Variants in RAD23B observed in about 807,000 individuals in gnomAD.
The protein encoded by RAD23B is lysine-specific demethylase RAD23B.
Under a neutral mutation model 49.1 loss-of-function variants are expected in RAD23B, and 5 were observed. That is an observed-to-expected ratio of 0.10 (90% CI 0.05 to 0.21). The LOEUF is 0.21. Among genes scored for constraint, RAD23B ranks in the 10% least tolerant of loss-of-function variants. The pLI, the probability that RAD23B is intolerant of heterozygous loss-of-function variation, is 1.00. For synonymous variants in RAD23B, 184 were observed against 165.4 expected (o/e 1.11, Z -0.86); for missense variants, 356 against 486.7 (o/e 0.73, Z 2.53).
At chr9:107,313,818 T>A (rs1185028919) in intron 5 of RAD23B, among the ~76,000 whole-genome samples, 1 of 152,208 alleles carries the variant, frequency 6.6e-6, no homozygotes. Flanking sequence ...CATCATTCAT[T>A]CATCCACCCT....
intron 1 of RAD23B, among the ~76,000 whole-genome samples, chr9:107,295,780 G>T (rs558693497): frequency 6.6e-6 from 1 of 152,314 alleles, no homozygotes; most frequent in East Asian, 1.9e-4. Context: ...GCTAAGCAAG[G>T]TTAGGACAAT....
chr9:107,298,623 G>A (rs1396710703), intron 1 of RAD23B, among the ~76,000 whole-genome samples: 2 of 150,904 alleles, frequency 1.3e-5, no homozygotes, highest in South Asian at 2.1e-4. Flanking sequence ...CAGCCACTGC[G>A]CCTGACCCAA....
Position 107,296,069 on chromosome 9 carries a change from A to G in RAD23B, c.67-4072A>G, listed in dbSNP as rs59117642. Among the ~76,000 whole-genome samples, 532 of 152,252 alleles carry G rather than the reference A, an allele frequency of 3.5e-3. 4 individuals are homozygous for G. The highest frequency in any genetic ancestry group is 0.012 in the African/African-American group (509 of 41,538). ...TGGTCACTTATAATTTTAAACATGG[A>G]GTGGTTTTTAGATGACAAAATTCAG... On this transcript the variant is annotated intron_variant, in intron 1 of 9. Coordinates refer to ENST00000358015, the MANE Select transcript of RAD23B (RefSeq NM_002874.5).
At chr9:107,284,589 C>A in intron 1 of RAD23B, 1 of 290,160 alleles carries the variant, frequency 3.4e-6, no homozygotes, top group Non-Finnish European at 5.4e-6. Flanking sequence ...TTTGTGACTG[C>A]ATAAAGAGAC....
At position 107,324,916 on chromosome 9, in the gene RAD23B, G is replaced by C; in HGVS notation, c.1028G>C (p.Gly343Ala). The C allele has an allele frequency of 6.2e-7, 1 of 1,613,840 alleles. No homozygotes were observed. The highest frequency in any genetic ancestry group is 8.5e-7 in the Non-Finnish European group (1 of 1,179,954). The change falls in exon 9 of 10, where the codon GGA (glycine) becomes GCA (alanine). Residue 343 changes from glycine (G) to alanine (A), a missense_variant. Transcript: ENST00000358015. Reference protein sequence around the residue: ...QEAGGQGGGGGGGSGGIAEAG... With the variant: ...QEAGGQGGGGAGGSGGIAEAG... Reference sequence around the variant, plus strand: ...GCTGGTGGTCAAGGAGGAGGAGGTGGAGGTGGCAGTGGAGGAATTGCAGAA... The same window carrying C: ...GCTGGTGGTCAAGGAGGAGGAGGTGCAGGTGGCAGTGGAGGAATTGCAGAA...
chr9:107,299,859 A>G (rs1826611270), intron 1 of RAD23B, among the ~76,000 whole-genome samples: 1 of 152,218 alleles, frequency 6.6e-6, no homozygotes, highest in Admixed American at 6.5e-5. Flanking sequence ...TATATAAACC[A>G]AAACTTTGAT....
At chr9:107,306,310 A>G (rs1826771929) in intron 3 of RAD23B, 69 bp from the exon 4 acceptor site, 1 of 1,472,076 alleles carries the variant, frequency 6.8e-7, no homozygotes, top group Middle Eastern at 2.0e-4. Context: ...CTGTAACGGT[A>G]CAGTCTAATT....
At position 107,322,128 on chromosome 9, in the gene RAD23B, AATC is replaced by A; in HGVS notation, c.817+11_817+13del. On this transcript the variant is annotated intron_variant, in intron 7 of 9. Coordinates refer to ENST00000358015, the MANE Select transcript of RAD23B (RefSeq NM_002874.5). ...ACAACAAGTTCTGGAGGTAAAGCGG[AATC>A]TTCTGGATGGGGAGGGAATGGCCCT... The A allele has an allele frequency of 6.3e-7, 1 of 1,589,934 alleles. No individual in the cohort carries two copies. The highest frequency in any genetic ancestry group is 1.1e-5 in the South Asian group (1 of 87,610).
intron 1 of RAD23B, among the ~76,000 whole-genome samples, chr9:107,295,881 G>A (rs1293703453): frequency 6.6e-6 from 1 of 152,128 alleles, no homozygotes; most frequent in African/African-American, 2.4e-5. Flanking sequence ...TGTGTGTTAG[G>A]AGCAGCAGAA....
In RAD23B at chr9:107,331,929, G is replaced by A. The variant is rs1471476309; in HGVS notation, c.*2273G>A. ...AATGTTTAATTTACAAACTGTTTTG[G>A]TAAATCTCTTAATGTAAGTAGCTAT... On this transcript the variant is annotated 3_prime_UTR_variant, in exon 10 of 10. Coordinates refer to ENST00000358015, the MANE Select transcript of RAD23B (RefSeq NM_002874.5). 1 of 467,396 alleles carries A rather than the reference G, an allele frequency of 2.1e-6. No individual in the cohort carries two copies. The highest frequency in any genetic ancestry group is 3.8e-6 in the Non-Finnish European group (1 of 264,758). The allele number at this position is 467,396 out of a possible 1,614,324, so 29.0% of individuals were successfully genotyped here. A position where few individuals can be genotyped will look rare whatever the true frequency, so the allele number is the denominator to read the frequency against.
At chr9:107,290,076 C>G (rs149362908) in intron 1 of RAD23B, among the ~76,000 whole-genome samples, 15 of 152,234 alleles carry the variant, frequency 9.9e-5, no homozygotes, top group African/African-American at 3.6e-4. Flanking sequence ...CACTCTTCCA[C>G]TGCCACAGGA....
intron 1 of RAD23B, among the ~76,000 whole-genome samples, chr9:107,287,421 TAA>T (rs1480595082): frequency 1.3e-5 from 2 of 152,226 alleles, no homozygotes; most frequent in Admixed American, 6.5e-5. Flanking sequence ...GATTAGTATA[TAA>T]GTGACATTAA....
At chr9:107,298,709 T>C (rs147704620) in intron 1 of RAD23B, among the ~76,000 whole-genome samples, 31 of 151,474 alleles carry the variant, frequency 2.0e-4, no homozygotes, top group African/African-American at 7.2e-4. Flanking sequence ...AAAATAAATA[T>C]AAACTTATTA....
At chr9:107,302,342 TAAAAC>T (rs1247800651) in intron 3 of RAD23B, among the ~76,000 whole-genome samples, 2 of 152,090 alleles carry the variant, frequency 1.3e-5, no homozygotes, top group African/African-American at 4.8e-5. Flanking sequence ...TTATGTAAAT[TAAAAC>T]AATTGAAAAA....
At chr9:107,305,539 C>G (rs755861816) in intron 3 of RAD23B, among the ~76,000 whole-genome samples, 16 of 152,126 alleles carry the variant, frequency 1.1e-4, no homozygotes, top group Non-Finnish European at 1.2e-4. Context: ...GCAGTTCAAA[C>G]CCTTGTTGTT....
At chr9:107,286,548 T>G (rs1833275352) in intron 1 of RAD23B, among the ~76,000 whole-genome samples, 2 of 152,224 alleles carry the variant, frequency 1.3e-5, no homozygotes, top group African/African-American at 4.8e-5. Context: ...GCAAAGATCT[T>G]TTTGTTTCTA....
In RAD23B at chr9:107,318,417, A is replaced by C. The variant is rs181937540; in HGVS notation, c.554-335A>C. ...CTGACCCTCTCATCTGCCTCCTCCT[A>C]CTACTATTAAGGATTCATGTCATTA... On this transcript the variant is annotated intron_variant, in intron 5 of 9. Coordinates refer to ENST00000358015, the MANE Select transcript of RAD23B (RefSeq NM_002874.5). The surrounding 1 kb of genome is among the most constrained non-coding windows in gnomAD (Gnocchi z 4.3). 2.2e-4 allele frequency among the ~76,000 whole-genome samples: 34 copies of C among 152,156 alleles called. No individual in the cohort carries two copies. The highest frequency in any genetic ancestry group is 6.3e-4 in the African/African-American group (26 of 41,500).
At chr9:107,300,296 T>G in intron 2 of RAD23B, 74 bp downstream of exon 2, 3 of 1,434,552 alleles carry the variant, frequency 2.1e-6, no homozygotes, top group Non-Finnish European at 2.8e-6. Flanking sequence ...ATCTTATATA[T>G]TGTAGTATAT....
intron 1 of RAD23B, among the ~76,000 whole-genome samples, chr9:107,297,706 C>CTTTTTTTTTTTTTTTTTTTTTTTT (rs370317056): frequency 7.6e-6 from 1 of 132,088 alleles, no homozygotes; most frequent in Non-Finnish European, 1.6e-5. Context: ...ACTAAAGGGC[C>CTTTTTTTTTTTTTTTTTTTTTTTT]TTTTTTTTTT....
Sources: gnomAD v4.1 joint callset for allele counts (sites outside exome capture counted in the v4.1 genomes callset) on GRCh38, gnomAD v4.1.1 for gene constraint, Gnocchi (gnomAD v3.1) non-coding constraint, MANE v1.5 for transcripts, NCBI Gene and HGNC (gene_info 2026-07-23, HGNC 2026-07-21) for gene names.